Variants in AGRN observed in about 807,000 individuals in gnomAD.
AGRN encodes agrin, also known as agrin proteoglycan.
In AGRN, 106 loss-of-function variants were observed where a neutral mutation model predicts 211.0. That is an observed-to-expected ratio of 0.50 (90% CI 0.43 to 0.59). The LOEUF (loss-of-function observed/expected upper bound fraction) is 0.59, where lower values mean the gene tolerates loss of function less well. AGRN is among the 20% of genes least tolerant of loss of function. The probability of loss-of-function intolerance (pLI) is 0.00; values close to 1 mark genes in which losing one functional copy is unlikely to be tolerated. For synonymous variants in AGRN, 1,525 were observed against 1,332.5 expected, an observed-to-expected ratio of 1.14 and a Z score of -3.15; for missense variants, 3,040 against 2,982.6, an observed-to-expected ratio of 1.02 and a Z score of -0.45.
At chr1:1,038,033 G>A (rs910318227) in intron 3 of AGRN, among the ~76,000 whole-genome samples, 2 of 152,184 alleles carry the variant, frequency 1.3e-5, no homozygotes, top group Non-Finnish European at 2.9e-5. Flanking sequence ...GGGGCTTCCC[G>A]GAGGCCGTGA....
chr1:1,030,376 C>CGT (rs1557689154), intron 2 of AGRN, among the ~76,000 whole-genome samples: 3 of 27,818 alleles, frequency 1.1e-4, no homozygotes, highest in Non-Finnish European at 8.6e-5. Flanking sequence ...GTGAGATCAG[C>CGT]ATGTGTGTGT....
At chr1:1,040,959 G>A (rs1644914792) in intron 4 of AGRN, 79 bp downstream of exon 4, 1 of 615,134 alleles carries the variant, frequency 1.6e-6, no homozygotes, top group East Asian at 5.3e-5. Context: ...GGGGCTTCGG[G>A]GCCAGTGGGG....
chr1:1,040,324 G>A lies in AGRN; in HGVS notation c.512-341G>A, dbSNP rs1400103992. 2.0e-5 allele frequency among the ~76,000 whole-genome samples: 3 copies of A among 152,324 alleles called. No individual in the cohort carries two copies. In the East Asian group the frequency reaches 5.8e-4, roughly 29 times the overall value. On this transcript the variant is annotated intron_variant, in intron 3 of 35. Transcript: ENST00000379370. Reference sequence around the variant, plus strand: ...GAGGCGTCTCTGCTTTTCGCTGGAGGCCCACGAGGTGGGTGGGAAGTGGGT... The same window carrying A: ...GAGGCGTCTCTGCTTTTCGCTGGAGACCCACGAGGTGGGTGGGAAGTGGGT...
In AGRN at chr1:1,049,992, C is replaced by T; in HGVS notation, c.4834C>T (p.Gln1612Ter). ...PCRVLPEGGAQCECPLGREGT... is the reference protein window; with the variant it reads ...PCRVLPEGGA ...CCGTGTGCTGCCCGAGGGTGGTGCT[C>T]AGTGCGAGTGCCCCCTGGGGCGTGA... The change falls in exon 27 of 36, where the codon CAG becomes TAG. Residue 1612 changes from glutamine to a stop codon, truncating the protein, a stop_gained. Coordinates refer to ENST00000379370, the MANE Select transcript of AGRN (RefSeq NM_198576.4). LOFTEE classifies it high-confidence loss of function. 1.9e-6 allele frequency: 3 copies of T among 1,609,590 alleles called. No homozygotes were observed. Among genetic ancestry groups the T allele is most frequent in the Non-Finnish European group, 1.7e-6 (2 of 1,178,830 alleles).
rs1553177618 is a variant in AGRN at position 1,049,259 on chromosome 1, C to T, written c.4322C>T (p.Ala1441Val). 24 of 1,589,312 alleles carry T rather than the reference C, an allele frequency of 1.5e-5. No individual in the cohort carries two copies. The highest frequency in any genetic ancestry group is 2.3e-5 in the East Asian group (1 of 44,280). Residue 1441 changes from alanine to valine, a missense_variant, in exon 25 of 36, where the codon GCG becomes GTG. Ala to Val is a moderately conservative substitution (Grantham distance 64, BLOSUM62 0). Coordinates refer to ENST00000379370, the MANE Select transcript of AGRN (RefSeq NM_198576.4). The part of the protein sequence containing the change: ...QLRFDTGSGP[A>V]VLTSAVPVEP... The stretch of plus-strand genomic sequence containing the variant: ...AGGTTTGACACAGGTTCGGGGCCGG[C>T]GGTGCTGACCAGTGCCGTGCCGGTA...
intron 3 of AGRN, among the ~76,000 whole-genome samples, 190 bp from the exon 4 acceptor site, chr1:1,040,475 C>T (rs1025928457): frequency 6.6e-6 from 1 of 152,148 alleles, no homozygotes. Flanking sequence ...GAATCCTCGG[C>T]GGGCGGGGTC....
chr1:1,050,776 G>T lies in AGRN; in HGVS notation c.5192G>T (p.Arg1731Leu). 1 of 1,602,638 alleles carries T rather than the reference G, an allele frequency of 6.2e-7. No individual in the cohort carries two copies. The part of the protein sequence containing the change: ...LGAWTRVSLE[R>L]NGRKGALRVG... ...GCCTGGACCAGGGTCTCACTGGAGC[G>T]AAACGGCCGCAAGGGTGCCCTGCGT... The change falls in exon 30 of 36, where the codon CGA becomes CTA. Residue 1731 changes from arginine (R) to leucine (L), a missense_variant. Physicochemically the swap from Arg to Leu is moderately radical, Grantham distance 102. Coordinates refer to ENST00000379370, the MANE Select transcript of AGRN (RefSeq NM_198576.4).
At position 1,035,179 on chromosome 1, in the gene AGRN, G is replaced by A. The variant is rs1332835065; in HGVS notation, c.464-98G>A. 1.6e-4 allele frequency: 192 copies of A among 1,217,866 alleles called. 4 individuals are homozygous for A. The highest frequency in any genetic ancestry group is 2.2e-4 in the Non-Finnish European group (186 of 845,652). 75.4% of individuals were successfully genotyped at this position (1,217,866 alleles called of 1,614,324 possible). A position where few individuals can be genotyped will look rare whatever the true frequency, so the allele number is the denominator to read the frequency against. On this transcript the variant is annotated intron_variant, in intron 2 of 35. Transcript: ENST00000379370. ...CCCTGGGGCTAGCGGTGGGGGGGGG[G>A]GGGTGGGCAGGGGTGCCCCTTTCCA...
At chr1:1,028,397 T>C (rs1644569841) in intron 2 of AGRN, among the ~76,000 whole-genome samples, 1 of 138,668 alleles carries the variant, frequency 7.2e-6, no homozygotes, top group Non-Finnish European at 1.6e-5. Flanking sequence ...CTGTTTTCCT[T>C]GGTTGGGGTT....
intron 3 of AGRN, among the ~76,000 whole-genome samples, chr1:1,035,681 C>T (rs1023727525): frequency 2.4e-4 from 36 of 152,216 alleles, no homozygotes; most frequent in Non-Finnish European, 5.9e-5. Flanking sequence ...TCCCTTCTCC[C>T]TGTTCAGCAA....
chr1:1,020,138 G>A lies in AGRN; in HGVS notation c.-35G>A. 3 of 1,115,550 alleles carry A rather than the reference G, an allele frequency of 2.7e-6. No homozygotes were observed. The highest frequency in any genetic ancestry group is 2.3e-6 in the Non-Finnish European group (2 of 878,982). The allele number at this position is 1,115,550 out of a possible 1,614,324, so 69.1% of individuals were successfully genotyped here. On this transcript the variant is annotated 5_prime_UTR_variant, in exon 1 of 36. Transcript: ENST00000379370. ...CCTGTCCAGTCCCGTCCCCGGCGCGGCCCGCGCGCTCCTCCGCCGCCTCTC... is the reference window on the plus strand; with the variant it reads ...CCTGTCCAGTCCCGTCCCCGGCGCGACCCGCGCGCTCCTCCGCCGCCTCTC...
At chr1:1,054,651 T>C in intron 35 of AGRN, 100 bp downstream of exon 35, 1 of 1,489,464 alleles carries the variant, frequency 6.7e-7, no homozygotes, top group Non-Finnish European at 9.1e-7. Context: ...TCAGGGTGCA[T>C]GTGAGCCGGC....
At position 1,042,132 on chromosome 1, in the gene AGRN, G is replaced by T; in HGVS notation, c.1354G>T (p.Ala452Ser). ...GCAGGCTGAGTGCCGGCAGCAGCGT[G>T]CCATCCCCAGCAAGCACCAGGGCCC... Reference protein sequence around the residue: ...RQQAECRQQRAIPSKHQGPCD... With the variant: ...RQQAECRQQRSIPSKHQGPCD... Residue 452 changes from alanine (A) to serine (S), a missense_variant, in exon 7 of 36, where the codon GCC (alanine) becomes TCC (serine). Around this residue, in one of 3 missense-constraint regions of AGRN, gnomAD observed 1,498 missense variants for 1,457.8 expected, o/e 1.03. Coordinates refer to ENST00000379370, the MANE Select transcript of AGRN (RefSeq NM_198576.4). 6.3e-7 allele frequency: 1 copy of T among 1,599,628 alleles called. No individual in the cohort carries two copies. The highest frequency in any genetic ancestry group is 8.5e-7 in the Non-Finnish European group (1 of 1,177,824).
intron 3 of AGRN, among the ~76,000 whole-genome samples, chr1:1,037,102 C>T (rs1160759278): frequency 3.3e-5 from 5 of 152,150 alleles, no homozygotes; most frequent in African/African-American, 9.7e-5. Flanking sequence ...CTGAACCCTC[C>T]CAGTGGGCTG....
At position 1,022,287 on chromosome 1, in the gene AGRN, C is replaced by T; in HGVS notation, c.288C>T (p.Gly96=). ...GCGGCAACAAGGTGGTGATCAGCGGCTTTGGAGACCCCCTCATCTGTGACA... is the reference window on the plus strand; with the variant it reads ...GCGGCAACAAGGTGGTGATCAGCGGTTTTGGAGACCCCCTCATCTGTGACA... ...LDGGNKVVIS[G]FGDPLICDNQ... Residue 96 remains glycine (G), a synonymous_variant, in exon 2 of 36, where the codon GGC becomes GGT. Coordinates refer to ENST00000379370, the MANE Select transcript of AGRN (RefSeq NM_198576.4). The T allele has an allele frequency of 3.7e-6, 6 of 1,613,326 alleles. No individual in the cohort carries two copies. The highest frequency in any genetic ancestry group is 3.3e-4 in the Middle Eastern group (2 of 6,062).
At chr1:1,049,498 G>T in intron 25 of AGRN, 47 bp downstream of exon 25, 2 of 1,598,712 alleles carry the variant, frequency 1.3e-6, no homozygotes, top group South Asian at 1.1e-5. Flanking sequence ...GCCCTTTGGG[G>T]TCCCGGTGTA....
Position 1,032,639 on chromosome 1 carries a change from C to G in AGRN, c.464-2638C>G, listed in dbSNP as rs1001540957. ...CTGTCGTCTGCAGAGTGGGTGAGAC[C>G]GAGTGTGGCAGATGGCTTGGTCCGC... On this transcript the variant is annotated intron_variant, in intron 2 of 35. Coordinates refer to ENST00000379370, the MANE Select transcript of AGRN (RefSeq NM_198576.4). The surrounding 1 kb of genome is among the most constrained non-coding windows in gnomAD (Gnocchi z 4.7). Among the ~76,000 whole-genome samples the G allele has an allele frequency of 6.6e-6, 1 of 152,124 alleles. No individual in the cohort carries two copies. The highest frequency in any genetic ancestry group is 1.5e-5 in the Non-Finnish European group (1 of 68,014).
rs765687675 is a variant in AGRN, at chr1:1,046,647, G to A, written c.3162G>A (p.Ala1054=). ...TAPSPAPSLV[A]SAFGESGSTD... Reference sequence around the variant, plus strand: ...CCTCCCCTGCACCCAGCCTGGTGGCGTCCGCCTTTGGTGAATCTGGCAGCA... The same window carrying A: ...CCTCCCCTGCACCCAGCCTGGTGGCATCCGCCTTTGGTGAATCTGGCAGCA... Residue 1054 remains alanine, a synonymous_variant, in exon 18 of 36, where the codon GCG becomes GCA. Coordinates refer to ENST00000379370, the MANE Select transcript of AGRN (RefSeq NM_198576.4). The A allele has an allele frequency of 1.6e-5, 26 of 1,596,356 alleles. No individual in the cohort carries two copies. Among genetic ancestry groups the A allele is most frequent in the African/African-American group, 4.0e-5 (3 of 74,870 alleles).
chr1:1,055,045 G>C lies in AGRN; in HGVS notation c.*64G>C. 1.3e-6 allele frequency: 2 copies of C among 1,537,404 alleles called. No individual in the cohort carries two copies. The highest frequency in any genetic ancestry group is 1.7e-6 in the Non-Finnish European group (2 of 1,145,536). ...TATTTTTGTAAACTTGTTGCTTTTT[G>C]ATATGATTTTCTTGCCTGAGTGTTG... On this transcript the variant is annotated 3_prime_UTR_variant, in exon 36 of 36. Coordinates refer to ENST00000379370, the MANE Select transcript of AGRN (RefSeq NM_198576.4).
Sources: gnomAD v4.1 joint callset for allele counts (sites outside exome capture counted in the v4.1 genomes callset) on GRCh38, gnomAD v4.1.1 for gene constraint, gnomAD v4.1.1 regional missense constraint, Gnocchi (gnomAD v3.1) non-coding constraint, MANE v1.5 for transcripts, NCBI Gene and HGNC (gene_info 2026-07-23, HGNC 2026-07-21) for gene names.